MAGI1: variants seen among roughly 807,000 people sequenced by gnomAD.
The protein encoded by MAGI1 is membrane-associated guanylate kinase, WW and PDZ domain-containing protein 1.
In MAGI1, 58 loss-of-function variants were observed where a neutral mutation model predicts 139.9. The observed-to-expected ratio is 0.41, with a 90% confidence interval of 0.34 to 0.52. The LOEUF is 0.52. Ranked by LOEUF, MAGI1 falls within the 20% of genes least tolerant of loss-of-function variation. MAGI1 has a pLI of 0.12. For missense variants in MAGI1, 1,874 were observed against 1,901.6 expected (o/e 0.99, Z 0.27); for synonymous variants, 812 against 737.9 (o/e 1.10, Z -1.63).
intron 1 of MAGI1, among the ~76,000 whole-genome samples, chr3:65,725,060 A>C (rs1396010443): frequency 6.6e-6 from 1 of 152,194 alleles, no homozygotes; most frequent in Non-Finnish European, 1.5e-5. Context: ...TTTAAATCAC[A>C]ACACCCAGGA....
intron 1 of MAGI1, among the ~76,000 whole-genome samples, chr3:65,903,137 G>A (rs747163425): frequency 2.6e-4 from 39 of 152,180 alleles, no homozygotes; most frequent in Middle Eastern, 3.4e-3. Context: ...TAGGACTACT[G>A]GCACACACCA....
chr3:65,883,892 G>C (rs892983658), intron 1 of MAGI1, among the ~76,000 whole-genome samples: 9 of 152,032 alleles, frequency 5.9e-5, no homozygotes, highest in African/African-American at 1.9e-4. Context: ...AACATTTCCT[G>C]TTCATCGAAA....
intron 1 of MAGI1, among the ~76,000 whole-genome samples, chr3:65,800,000 T>C (rs2040414131): frequency 6.6e-6 from 1 of 152,204 alleles, no homozygotes; most frequent in Non-Finnish European, 1.5e-5. Flanking sequence ...TTCCCAATTA[T>C]TCAGACTTCC....
chr3:65,551,964 A>T (rs952824976), intron 2 of MAGI1, among the ~76,000 whole-genome samples: 2 of 152,244 alleles, frequency 1.3e-5, no homozygotes, highest in Non-Finnish European at 2.9e-5. Context: ...CCTGATGCTG[A>T]TAAGAGGCAG....
chr3:65,898,432 A>G (rs1028208791), intron 1 of MAGI1, among the ~76,000 whole-genome samples: 3 of 152,384 alleles, frequency 2.0e-5, no homozygotes, highest in Non-Finnish European at 2.9e-5. Context: ...AAATGCACAC[A>G]GGCTTGTTCA....
Position 66,038,321 on chromosome 3 carries a change from C to A in MAGI1, c.-13G>T. On this transcript the variant is annotated 5_prime_UTR_variant, in exon 1 of 23. Transcript: ENST00000402939. Reference sequence around the variant, plus strand: ...TCACTTTGGACATGATGAGTTACACCCCTCCTCCAAAAAAATAAAACGAGA... The same window carrying A: ...TCACTTTGGACATGATGAGTTACACACCTCCTCCAAAAAAATAAAACGAGA... 6.5e-7 allele frequency: 1 copy of A among 1,530,986 alleles called. No homozygotes were observed. The highest frequency in any genetic ancestry group is 1.3e-5 in the South Asian group (1 of 79,098). The allele number at this position is 1,530,986 out of a possible 1,614,324, so 94.8% of individuals were successfully genotyped here.
intron 1 of MAGI1, among the ~76,000 whole-genome samples, chr3:65,676,158 G>A (rs1037636727): frequency 6.6e-6 from 1 of 152,042 alleles, no homozygotes; most frequent in Admixed American, 6.6e-5. Flanking sequence ...CATCTATATG[G>A]GCACAATTAC....
intron 1 of MAGI1, among the ~76,000 whole-genome samples, chr3:65,957,902 G>C (rs1210053866): frequency 6.6e-6 from 1 of 152,096 alleles, no homozygotes; most frequent in East Asian, 1.9e-4. Flanking sequence ...CCAAGTAGCT[G>C]AGATTACATG....
At chr3:65,955,354 G>A (rs1033741054) in intron 1 of MAGI1, among the ~76,000 whole-genome samples, 5 of 152,112 alleles carry the variant, frequency 3.3e-5, no homozygotes, top group African/African-American at 4.8e-5. Context: ...ATAAATAAAC[G>A]TAATTAATTG....
At chr3:65,928,549 T>C (rs150545156) in intron 1 of MAGI1, among the ~76,000 whole-genome samples, 2 of 152,148 alleles carry the variant, frequency 1.3e-5, no homozygotes, top group African/African-American at 4.8e-5. Flanking sequence ...CTCAACTACA[T>C]CTCTCAACAT....
At chr3:65,548,509 CTCTTTTTTTTTTTTTTTT>C (rs2079618586) in intron 2 of MAGI1, among the ~76,000 whole-genome samples, 1 of 117,368 alleles carries the variant, frequency 8.5e-6, no homozygotes, top group Non-Finnish European at 1.7e-5. Context: ...GCAAACAACA[CTCTTTTTTTTTTTTTTTT>C]TTTTTTTTTT....
At chr3:65,963,288 G>C (rs1365881974) in intron 1 of MAGI1, among the ~76,000 whole-genome samples, 6 of 139,942 alleles carry the variant, frequency 4.3e-5, no homozygotes, top group Admixed American at 7.2e-5. Context: ...CTCCAGCCTG[G>C]TCAACAGAGC....
intron 1 of MAGI1, among the ~76,000 whole-genome samples, chr3:66,001,700 T>C (rs764729148): frequency 6.6e-6 from 1 of 152,214 alleles, no homozygotes; most frequent in Non-Finnish European, 1.5e-5. Context: ...CAGCTGCTCC[T>C]ACCTGCCCTT....
At chr3:65,971,990 C>G (rs996704185) in intron 1 of MAGI1, among the ~76,000 whole-genome samples, 1 of 152,158 alleles carries the variant, frequency 6.6e-6, no homozygotes, top group African/African-American at 2.4e-5. Flanking sequence ...AAGCTGTTAG[C>G]CAGGGATGAG....
chr3:65,849,075 G>C (rs912651877), intron 1 of MAGI1, among the ~76,000 whole-genome samples: 1 of 126,268 alleles, frequency 7.9e-6, no homozygotes, highest in African/African-American at 3.0e-5. Flanking sequence ...CCAAGCTGGA[G>C]TGAAGTGGCG....
chr3:65,662,534 G>A (rs1479997157), intron 1 of MAGI1, among the ~76,000 whole-genome samples: 1 of 152,212 alleles, frequency 6.6e-6, no homozygotes, highest in East Asian at 1.9e-4. Context: ...ATAGAAGTTT[G>A]AGAGGTCAGT....
intron 16 of MAGI1, 23 bp downstream of exon 16, chr3:65,381,854 G>A (rs1459668582): frequency 1.3e-6 from 2 of 1,589,386 alleles, no homozygotes; most frequent in African/African-American, 2.7e-5. Flanking sequence ...CGCACTGTCT[G>A]AAGGAATGAA....
chr3:65,507,587 C>A (rs998952250), intron 2 of MAGI1, among the ~76,000 whole-genome samples: 1 of 152,192 alleles, frequency 6.6e-6, no homozygotes, highest in Non-Finnish European at 1.5e-5. Context: ...AGCTTTGATT[C>A]CCAGCCCCTT....
chr3:65,422,328 C>G (rs1946686597), intron 12 of MAGI1, among the ~76,000 whole-genome samples: 1 of 152,198 alleles, frequency 6.6e-6, no homozygotes, highest in Non-Finnish European at 1.5e-5. Context: ...CACATCTTGG[C>G]CTATGGACAC....
Sources: gnomAD v4.1 joint callset for allele counts (sites outside exome capture counted in the v4.1 genomes callset) on GRCh38, gnomAD v4.1.1 for gene constraint, MANE v1.5 for transcripts, NCBI Gene and HGNC (gene_info 2026-07-23, HGNC 2026-07-21) for gene names.